The following CPEB3 variants were observed in gnomAD, a reference collection of about 807,000 sequenced individuals.
CPEB3 encodes cytoplasmic polyadenylation element binding protein 3.
A neutral mutation model predicts 67.2 loss-of-function variants in CPEB3; 20 were observed. That is an observed-to-expected ratio of 0.30 (90% CI 0.21 to 0.43). The LOEUF is 0.43. Among genes scored for constraint, CPEB3 ranks in the 20% least tolerant of loss-of-function variants. CPEB3 has a pLI of 1.00. For synonymous variants in CPEB3, 376 were observed against 393.1 expected (o/e 0.96, Z 0.51); for missense variants, 746 against 968.6 (o/e 0.77, Z 3.05).
At chr10:92,160,286 C>T (rs978220817) in intron 4 of CPEB3, among the ~76,000 whole-genome samples, 1 of 152,148 alleles carries the variant, frequency 6.6e-6, no homozygotes, top group Non-Finnish European at 1.5e-5. Flanking sequence ...TTACTGTTTA[C>T]ATAACTTACG....
intron 4 of CPEB3, among the ~76,000 whole-genome samples, chr10:92,160,591 C>G (rs1283573319): frequency 6.6e-6 from 1 of 152,110 alleles, no homozygotes; most frequent in Non-Finnish European, 1.5e-5. Context: ...AGGAAATACT[C>G]CATATTTTAA....
Position 92,239,685 on chromosome 10 carries a change from C to A in CPEB3, c.666G>T (p.Ser222=). The change falls in exon 2 of 10, where the codon TCG becomes TCT. Residue 222 remains serine, a synonymous_variant. Transcript: ENST00000265997. This position sits in a 1 kb window ranked among gnomAD's most constrained non-coding sequence, Gnocchi z 6.0. The part of the protein sequence containing the change: ...HQPIMTSKPS[S]SSAVAAAAAA... ...CAGCAGCGGCTGCAACCGCCGAAGA[C>A]GAGGACGGCTTGCTGGTCATGATGG... 6.4e-7 allele frequency: 1 copy of A among 1,570,208 alleles called. No homozygotes were observed. The highest frequency in any genetic ancestry group is 1.2e-5 in the South Asian group (1 of 85,546).
At chr10:92,169,981 C>T (rs1847929490) in intron 4 of CPEB3, among the ~76,000 whole-genome samples, 1 of 152,174 alleles carries the variant, frequency 6.6e-6, no homozygotes, top group African/African-American at 2.4e-5. Flanking sequence ...GATCCTCATT[C>T]TCACTATTCC....
chr10:92,211,514 G>T (rs1170338150), intron 2 of CPEB3, among the ~76,000 whole-genome samples: 1 of 151,770 alleles, frequency 6.6e-6, no homozygotes, highest in East Asian at 1.9e-4. Context: ...TTAAACAACA[G>T]CTCATTCAAA....
chr10:92,270,546 A>G (rs1439537916), intron 1 of CPEB3, among the ~76,000 whole-genome samples: 1 of 147,402 alleles, frequency 6.8e-6, no homozygotes, highest in Non-Finnish European at 1.5e-5. Flanking sequence ...ATTAGAAGTG[A>G]GGTTTTATAT....
rs1166249584 is a variant in CPEB3, at chr10:92,098,160, TAAAAAAAAAAAAAAAAAAA to T, written c.1573-6235_1573-6217del. On this transcript the variant is annotated intron_variant, in intron 7 of 9. Transcript: ENST00000265997. ...TGGGCAACAAGAGTGACACTCTGCCTAAAAAAAAAAAAAAAAAAAAAAAAAAAAAAAAAAAAAAAATCTG... is the reference window on the plus strand; with the variant it reads ...TGGGCAACAAGAGTGACACTCTGCCTAAAAAAAAAAAAAAAAAAAAATCTG... Among the ~76,000 whole-genome samples the T allele has an allele frequency of 2.2e-4, 8 of 36,126 alleles. No homozygotes were observed. In the South Asian group the frequency reaches 0.011, roughly 52 times the overall value. 23.7% of individuals were successfully genotyped at this position (36,126 alleles called of 152,430 possible).
intron 2 of CPEB3, among the ~76,000 whole-genome samples, chr10:92,203,659 TCACCCAAAGTGCTTGGC>T (rs1849644617): frequency 6.6e-6 from 1 of 151,784 alleles, no homozygotes. Context: ...CTCAGGTGAT[TCACCCAAAGTGCTTGGC>T]CTCCCAAAGT....
intron 1 of CPEB3, among the ~76,000 whole-genome samples, chr10:92,256,620 C>T (rs926491505): frequency 1.1e-4 from 17 of 152,000 alleles, no homozygotes; most frequent in African/African-American, 2.2e-4. Context: ...CTCTTGACCT[C>T]GTGATCCGCC....
intron 8 of CPEB3, among the ~76,000 whole-genome samples, chr10:92,085,159 C>T (rs191084559): frequency 7.7e-4 from 118 of 152,274 alleles, no homozygotes; most frequent in Non-Finnish European, 1.3e-3. Flanking sequence ...CAGAGCAGGG[C>T]ATAGAGGCGA....
At position 92,169,743 on chromosome 10, in the gene CPEB3, C is replaced by G. The variant is rs117273481; in HGVS notation, c.1222+11220G>C. On this transcript the variant is annotated intron_variant, in intron 4 of 9. Coordinates refer to ENST00000265997, the MANE Select transcript of CPEB3 (RefSeq NM_014912.5). ...TCTTACCCACAGACCCCAGCCTAATCCCACTTTTACTGGGGGGCCATTACT... is the reference window on the plus strand; with the variant it reads ...TCTTACCCACAGACCCCAGCCTAATGCCACTTTTACTGGGGGGCCATTACT... Among the ~76,000 whole-genome samples the G allele has an allele frequency of 1.7e-3, 265 of 152,336 alleles. 1 individual carries two copies. The highest frequency in any genetic ancestry group is 3.0e-3 in the Admixed American group (46 of 15,298).
At chr10:92,181,367 C>CAAA (rs55896574) in intron 3 of CPEB3, among the ~76,000 whole-genome samples, 701 of 94,776 alleles carry the variant, frequency 7.4e-3, no homozygotes, top group Non-Finnish European at 8.3e-3. Context: ...ATTCAAGCAG[C>CAAA]AAAAAAAAAA....
chr10:92,237,568 G>A (rs986763430), intron 2 of CPEB3, among the ~76,000 whole-genome samples: 2 of 152,328 alleles, frequency 1.3e-5, no homozygotes, highest in African/African-American at 4.8e-5. Flanking sequence ...ATAGCTAGTT[G>A]TATTCAGAGT....
chr10:92,051,224 C>T lies in CPEB3; in HGVS notation c.*988G>A, dbSNP rs1050562789. The T allele has an allele frequency of 6.6e-6, 1 of 152,472 alleles. No individual in the cohort carries two copies. Among genetic ancestry groups the T allele is most frequent in the Non-Finnish European group, 1.5e-5 (1 of 67,998 alleles). 9.4% of individuals were successfully genotyped at this position (152,472 alleles called of 1,614,324 possible). On this transcript the variant is annotated 3_prime_UTR_variant, in exon 10 of 10. Coordinates refer to ENST00000265997, the MANE Select transcript of CPEB3 (RefSeq NM_014912.5). ...TTACCAATTCTTTGAATGAAAAAAACTTTTTTTAAAAAATGAGTATTTTTA... is the reference window on the plus strand; with the variant it reads ...TTACCAATTCTTTGAATGAAAAAAATTTTTTTTAAAAAATGAGTATTTTTA...
chr10:92,131,500 G>C lies in CPEB3; in HGVS notation c.1453+11529C>G, dbSNP rs147884742. ...ACTATTAGACATAACATATAAGTGA[G>C]AAAATAAAAATATTTAGCTTGGAAA... On this transcript the variant is annotated intron_variant, in intron 6 of 9. Transcript: ENST00000265997. 3.1e-3 allele frequency among the ~76,000 whole-genome samples: 477 copies of C among 152,290 alleles called. 2 individuals carry two copies. The highest frequency in any genetic ancestry group is 5.5e-3 in the Non-Finnish European group (373 of 68,006).
chr10:92,284,022 C>T (rs577542463), intron 1 of CPEB3, among the ~76,000 whole-genome samples: 2 of 147,278 alleles, frequency 1.4e-5, no homozygotes, highest in African/African-American at 5.0e-5. Context: ...CCACTGTGCC[C>T]GGCCCAGAAT....
intron 4 of CPEB3, among the ~76,000 whole-genome samples, chr10:92,179,150 T>C (rs1278234865): frequency 6.6e-6 from 1 of 152,058 alleles, no homozygotes; most frequent in African/African-American, 2.4e-5. Flanking sequence ...AAAACAATCA[T>C]TAAGATTACC....
At chr10:92,184,711 T>A (rs1848611158) in intron 3 of CPEB3, among the ~76,000 whole-genome samples, 1 of 152,220 alleles carries the variant, frequency 6.6e-6, no homozygotes, top group African/African-American at 2.4e-5. Context: ...TGTAATTTTT[T>A]AAAGTAAAAT....
chr10:92,103,204 T>G lies in CPEB3; in HGVS notation c.1572+7872A>C, dbSNP rs77382380. On this transcript the variant is annotated intron_variant, in intron 7 of 9. Transcript: ENST00000265997. ...GTCTTGGGCTTAATGAATGCAAATT[T>G]CTGATGCCACTAGGTGAGACCCACT... Among the ~76,000 whole-genome samples, 542 of 152,342 alleles carry G rather than the reference T, an allele frequency of 3.6e-3. 1 individual carries two copies. The highest frequency in any genetic ancestry group is 6.0e-3 in the Non-Finnish European group (409 of 68,028).
intron 2 of CPEB3, among the ~76,000 whole-genome samples, chr10:92,226,760 G>A (rs112003962): frequency 1.4e-4 from 22 of 152,066 alleles, no homozygotes; most frequent in African/African-American, 4.3e-4. Context: ...ATTGAGGGAG[G>A]GGCAAGAGAG....
Sources: gnomAD v4.1 joint callset for allele counts (sites outside exome capture counted in the v4.1 genomes callset) on GRCh38, gnomAD v4.1.1 for gene constraint, Gnocchi (gnomAD v3.1) non-coding constraint, MANE v1.5 for transcripts, NCBI Gene and HGNC (gene_info 2026-07-23, HGNC 2026-07-21) for gene names.